PATJ: variants seen among roughly 807,000 people sequenced by gnomAD.
The protein encoded by PATJ is PATJ crumbs cell polarity complex component, also known as inaD-like protein.
Under a neutral mutation model 224.9 loss-of-function variants are expected in PATJ, and 190 were observed. The observed-to-expected ratio is 0.84, with a 90% CI of 0.75 to 0.95. The LOEUF is 0.95. Ranked by LOEUF, PATJ falls within the 40% of genes least tolerant of loss-of-function variation. The pLI is 0.00. For missense variants in PATJ, 2,121 were observed against 2,270.3 expected (o/e 0.93, Z 1.34); for synonymous variants, 769 against 820.3 (o/e 0.94, Z 1.07).
At chr1:61,891,158 T>A (rs1669553916) in intron 22 of PATJ, among the ~76,000 whole-genome samples, 2 of 151,804 alleles carry the variant, frequency 1.3e-5, no homozygotes, top group Admixed American at 6.6e-5. Flanking sequence ...GAAAAAAAAA[T>A]TATAGGTGTA....
intron 6 of PATJ, 25 bp downstream of exon 6, chr1:61,771,651 CTTAA>C: frequency 6.7e-7 from 1 of 1,500,528 alleles, no homozygotes; most frequent in Non-Finnish European, 9.0e-7. Context: ...TGAAAAAATA[CTTAA>C]TTTTGAATAA....
At chr1:62,078,854 A>G (rs1171845908) in intron 31 of PATJ, 3 of 151,900 alleles carry the variant, frequency 2.0e-5, no homozygotes, top group South Asian at 2.1e-4. Flanking sequence ...TAGGGACTCA[A>G]TAAAGGAGCT....
At chr1:61,945,346 G>T (rs1678509038) in intron 27 of PATJ, among the ~76,000 whole-genome samples, 1 of 151,840 alleles carries the variant, frequency 6.6e-6, no homozygotes, top group Non-Finnish European at 1.5e-5. Flanking sequence ...CACGTGCAGA[G>T]ACACACATAG....
intron 29 of PATJ, among the ~76,000 whole-genome samples, chr1:62,023,774 T>C (rs542107830): frequency 6.6e-6 from 1 of 152,340 alleles, no homozygotes; most frequent in African/African-American, 2.4e-5. Context: ...ATTGAGTAAG[T>C]ATAACTGTGT....
In PATJ at chr1:62,049,219, A is replaced by G. The variant is rs150926295; in HGVS notation, c.4033-1747A>G. Among the ~76,000 whole-genome samples the G allele has an allele frequency of 6.7e-3, 977 of 145,608 alleles. 10 individuals are homozygous for G. The highest frequency in any genetic ancestry group is 0.024 in the African/African-American group (930 of 39,010). On this transcript the variant is annotated intron_variant, in intron 30 of 43. Transcript: ENST00000642238. ...TAATGCAAAAATTACCCGTTCCCCA[A>G]TTCCACTCCCCAGAAGTAAGCAATC... is the stretch of plus-strand genomic sequence containing the variant.
At chr1:61,812,987 T>G (rs898619956) in intron 14 of PATJ, among the ~76,000 whole-genome samples, 1 of 152,070 alleles carries the variant, frequency 6.6e-6, no homozygotes, top group African/African-American at 2.4e-5. Flanking sequence ...CTTGCTTTGC[T>G]TTTCCAGGGT....
intron 4 of PATJ, among the ~76,000 whole-genome samples, chr1:61,767,355 G>A (rs1646339752): frequency 6.6e-6 from 1 of 151,886 alleles, no homozygotes; most frequent in Non-Finnish European, 1.5e-5. Context: ...GCAATGTAGG[G>A]AGACCCCCAT....
At chr1:61,765,907 A>G (rs74076169) in intron 3 of PATJ, among the ~76,000 whole-genome samples, 1,808 of 152,266 alleles carry the variant, frequency 0.012, 44 homozygotes, top group African/African-American at 0.041. Flanking sequence ...CTACCTGTGG[A>G]TCTTTTGTTG....
chr1:61,769,810 A>G (rs1646497302), intron 5 of PATJ, among the ~76,000 whole-genome samples: 1 of 152,210 alleles, frequency 6.6e-6, no homozygotes. Context: ...AGATAGGAAT[A>G]TTGAAGTTCT....
At chr1:61,828,201 C>T (rs887473168) in intron 16 of PATJ, among the ~76,000 whole-genome samples, 4 of 151,220 alleles carry the variant, frequency 2.6e-5, no homozygotes, top group African/African-American at 4.9e-5. Flanking sequence ...TGAGATCACG[C>T]CATTGCACTC....
chr1:61,793,191 A>C (rs1254104572), intron 9 of PATJ, among the ~76,000 whole-genome samples: 1 of 152,072 alleles, frequency 6.6e-6, no homozygotes, highest in Non-Finnish European at 1.5e-5. Flanking sequence ...CTTGTGCCTC[A>C]GACTCCCCAG....
At chr1:61,840,294 G>A (rs1660876717) in intron 17 of PATJ, among the ~76,000 whole-genome samples, 1 of 151,904 alleles carries the variant, frequency 6.6e-6, no homozygotes, top group Non-Finnish European at 1.5e-5. Context: ...GACTTTCTGA[G>A]CACATTGAAA....
At chr1:61,826,269 A>G (rs1315680415) in intron 15 of PATJ, among the ~76,000 whole-genome samples, 3 of 151,776 alleles carry the variant, frequency 2.0e-5, no homozygotes, top group African/African-American at 7.2e-5. Flanking sequence ...GAAGGTTTCC[A>G]GCAACCCAGT....
chr1:61,747,124 G>A (rs1182951782), intron 1 of PATJ, among the ~76,000 whole-genome samples: 1 of 152,226 alleles, frequency 6.6e-6, no homozygotes, highest in African/African-American at 2.4e-5. Context: ...CCCTTGGTGA[G>A]CCAACTTGGT....
At chr1:61,899,686 A>G (rs773732364) in intron 23 of PATJ, 32 bp downstream of exon 23, 9 of 1,425,136 alleles carry the variant, frequency 6.3e-6, no homozygotes, top group Non-Finnish European at 8.8e-6. Context: ...GGCTTTCTCA[A>G]TAGGAGCACA....
At chr1:62,054,527 T>C (rs1654212607) in intron 31 of PATJ, among the ~76,000 whole-genome samples, 1 of 152,194 alleles carries the variant, frequency 6.6e-6, no homozygotes, top group African/African-American at 2.4e-5. Flanking sequence ...TCCATTTCTT[T>C]AAAATATTTT....
At chr1:61,786,157 G>C (rs1368877615) in intron 7 of PATJ, among the ~76,000 whole-genome samples, 1 of 152,216 alleles carries the variant, frequency 6.6e-6, no homozygotes, top group Non-Finnish European at 1.5e-5. Flanking sequence ...GAGTAGTTGA[G>C]ATTACAGGCA....
intron 18 of PATJ, among the ~76,000 whole-genome samples, chr1:61,860,817 ACT>A (rs2148933203): frequency 6.7e-6 from 1 of 149,300 alleles, no homozygotes; most frequent in Non-Finnish European, 1.5e-5. Context: ...ACACAGCGAG[ACT>A]CTCTGTCTCA....
intron 20 of PATJ, among the ~76,000 whole-genome samples, chr1:61,868,439 G>T (rs1665748014): frequency 6.6e-6 from 1 of 152,178 alleles, no homozygotes; most frequent in South Asian, 2.1e-4. Context: ...TTCACTTAGT[G>T]TAATGTCTTT....
Sources: gnomAD v4.1 joint callset for allele counts (sites outside exome capture counted in the v4.1 genomes callset) on GRCh38, gnomAD v4.1.1 for gene constraint, MANE v1.5 for transcripts, NCBI Gene and HGNC (gene_info 2026-07-23, HGNC 2026-07-21) for gene names.